The following MRC2 variants were observed in gnomAD, a reference collection of about 807,000 sequenced individuals.
The protein encoded by MRC2 is mannose receptor C-type 2, also known as C-type mannose receptor 2.
Under a neutral mutation model 206.2 loss-of-function variants are expected in MRC2, and 84 were observed. That is an observed-to-expected ratio of 0.41 (90% confidence interval 0.34 to 0.49). The LOEUF is 0.49. MRC2 is among the 20% of genes least tolerant of loss of function. The probability of loss-of-function intolerance (pLI) is 0.31; values close to 1 mark genes in which losing one functional copy is unlikely to be tolerated. For synonymous variants in MRC2, 798 were observed against 800.0 expected (o/e 1.00, Z 0.04); for missense variants, 1,676 against 2,001.5 (o/e 0.84, Z 3.10).
At chr17:62,656,836 G>A (rs1040357797) in intron 1 of MRC2, among the ~76,000 whole-genome samples, 1 of 152,214 alleles carries the variant, frequency 6.6e-6, no homozygotes, top group African/African-American at 2.4e-5. Context: ...GGGATTCAGG[G>A]ACAGGACATC....
intron 1 of MRC2, among the ~76,000 whole-genome samples, chr17:62,662,470 A>G (rs985739571): frequency 2.6e-5 from 4 of 152,196 alleles, no homozygotes; most frequent in African/African-American, 7.2e-5. Context: ...ATGCTGATTT[A>G]TAGTCTTCTT....
At chr17:62,688,694 A>G (rs753553225) in intron 22 of MRC2, 30 bp downstream of exon 22, 1 of 1,610,062 alleles carries the variant, frequency 6.2e-7, no homozygotes, top group Non-Finnish European at 8.5e-7. Context: ...TCCCCTCCGC[A>G]CCGCGCTGCC....
intron 20 of MRC2, chr17:62,683,757 A>G (rs1351276522): frequency 6.6e-6 from 1 of 151,848 alleles, no homozygotes; most frequent in Non-Finnish European, 1.5e-5. Flanking sequence ...CCAGCTACCC[A>G]GGAGGTGGGA....
In MRC2 at chr17:62,684,639, G is replaced by T. The variant is rs534684327; in HGVS notation, c.2946+2262G>T. ...AACGAGTTCATACCAGGAAGAGAAG[G>T]TTGTCATTTTCCTTGTTATGTGCCA... On this transcript the variant is annotated intron_variant, in intron 20 of 29. Transcript: ENST00000303375. Among the ~76,000 whole-genome samples, 29 of 152,310 alleles carry T rather than the reference G, an allele frequency of 1.9e-4. No homozygotes were observed. The South Asian group carries it at 5.8e-3, about 30-fold the overall frequency.
intron 27 of MRC2, 30 bp from the exon 28 acceptor site, chr17:62,690,919 C>T: frequency 1.3e-6 from 2 of 1,550,858 alleles, no homozygotes; most frequent in Non-Finnish European, 8.7e-7. Flanking sequence ...CCACCTTGTC[C>T]CTGCTCCCTC....
Position 62,664,551 on chromosome 17 carries a change from C to A in MRC2, c.122C>A (p.Pro41His), listed in dbSNP as rs768775776. Reference protein sequence around the residue: ...GAPGDAALPEPNVFLIFSHGL... With the variant: ...GAPGDAALPEHNVFLIFSHGL... ...CGTGTCTTGCCTTCCCTTCCAGAAC[C>A]CAACGTCTTCCTCATCTTCAGCCAT... The change falls in exon 2 of 30, where the codon CCC (proline) becomes CAC (histidine). Residue 41 changes from proline (P) to histidine (H), a missense_variant. Pro to His is a moderately conservative substitution (Grantham distance 77). Coordinates refer to ENST00000303375, the MANE Select transcript of MRC2 (RefSeq NM_006039.5). This position sits in a 1 kb window ranked among gnomAD's most constrained non-coding sequence, Gnocchi z 4.7. 2.5e-6 allele frequency: 4 copies of A among 1,608,212 alleles called. No homozygotes were observed. The African/African-American group carries it at 5.3e-5, about 21-fold the overall frequency.
At chr17:62,677,157 T>G in intron 11 of MRC2, 112 bp from the exon 12 acceptor site, 1 of 838,650 alleles carries the variant, frequency 1.2e-6, no homozygotes, top group Non-Finnish European at 1.8e-6. Context: ...TCTGAAGAGG[T>G]GGCCAAGCTG....
intron 11 of MRC2, among the ~76,000 whole-genome samples, chr17:62,677,054 G>T (rs1184665460): frequency 6.6e-6 from 1 of 152,254 alleles, no homozygotes; most frequent in Non-Finnish European, 1.5e-5. Context: ...AGGTTAAGCA[G>T]CTTGCCTGAG....
At chr17:62,636,461 A>ATT (rs60774612) in intron 1 of MRC2, among the ~76,000 whole-genome samples, 474 of 76,902 alleles carry the variant, frequency 6.2e-3, no homozygotes, top group Non-Finnish European at 7.7e-3. Flanking sequence ...TAATCTTCTG[A>ATT]TTTTTTTTTT....
chr17:62,631,881 C>T (rs1241244062), intron 1 of MRC2, among the ~76,000 whole-genome samples: 1 of 152,196 alleles, frequency 6.6e-6, no homozygotes, highest in African/African-American at 2.4e-5. Context: ...GTCTGCTGAG[C>T]TCCTGCAGAA....
intron 1 of MRC2, among the ~76,000 whole-genome samples, chr17:62,629,307 GGA>G (rs2084197196): frequency 1.3e-5 from 2 of 152,242 alleles, no homozygotes; most frequent in Admixed American, 1.3e-4. Context: ...CCAGGCCCTG[GGA>G]GAGAGTTGTG....
intron 18 of MRC2, 70 bp from the exon 19 acceptor site, chr17:62,681,767 C>T (rs1275420914): frequency 2.4e-6 from 3 of 1,260,212 alleles, no homozygotes; most frequent in Non-Finnish European, 3.4e-6. Context: ...CTGCGGCCTT[C>T]ATTGCTGCAT....
intron 1 of MRC2, among the ~76,000 whole-genome samples, chr17:62,646,763 T>A (rs2088491487): frequency 6.6e-6 from 1 of 152,196 alleles, no homozygotes; most frequent in South Asian, 2.1e-4. Flanking sequence ...CATATATGAG[T>A]TCAAGTCCCG....
chr17:62,670,404 G>T (rs1271084779), intron 6 of MRC2, among the ~76,000 whole-genome samples: 11 of 152,210 alleles, frequency 7.2e-5, no homozygotes. Flanking sequence ...CGAGCCCACC[G>T]GGCTCTCAGT....
At chr17:62,669,934 G>C (rs779999719) in intron 6 of MRC2, among the ~76,000 whole-genome samples, 2 of 152,176 alleles carry the variant, frequency 1.3e-5, no homozygotes, top group Non-Finnish European at 2.9e-5. Context: ...TCAGCAACCC[G>C]ATCTAGGGCA....
chr17:62,633,063 A>T (rs1470546457), intron 1 of MRC2, among the ~76,000 whole-genome samples: 1 of 152,198 alleles, frequency 6.6e-6, no homozygotes, highest in Non-Finnish European at 1.5e-5. Context: ...GTCTTCATTT[A>T]TAAGATGGGA....
intron 1 of MRC2, among the ~76,000 whole-genome samples, chr17:62,650,056 G>A (rs560852802): frequency 6.6e-6 from 1 of 151,964 alleles, no homozygotes; most frequent in South Asian, 2.1e-4. Flanking sequence ...CACCACACCC[G>A]GCTAAGTTTT....
chr17:62,639,460 A>G (rs1204166492), intron 1 of MRC2, among the ~76,000 whole-genome samples: 1 of 152,238 alleles, frequency 6.6e-6, no homozygotes, highest in Non-Finnish European at 1.5e-5. Flanking sequence ...GCTGTGAAGA[A>G]GCCAATATAT....
chr17:62,675,673 C>A lies in MRC2; in HGVS notation c.1570-117C>A. ...AGCCCAGTACTCAAACCAGTCCCCT[C>A]CGTCCTGAGCACGTTCAGTGATGTC... On this transcript the variant is annotated intron_variant, in intron 9 of 29. Transcript: ENST00000303375. The surrounding 1 kb of genome is among the most constrained non-coding windows in gnomAD (Gnocchi z 4.1). 1 of 795,386 alleles carries A rather than the reference C, an allele frequency of 1.3e-6. No individual in the cohort carries two copies. Among genetic ancestry groups the A allele is most frequent in the Non-Finnish European group, 2.2e-6 (1 of 462,668 alleles). The allele number at this position is 795,386 out of a possible 1,614,324, so 49.3% of individuals were successfully genotyped here. A position where few individuals can be genotyped will look rare whatever the true frequency, so the allele number is the denominator to read the frequency against.
Sources: allele counts gnomAD v4.1 joint callset (sites outside exome capture counted in the v4.1 genomes callset), GRCh38; gene constraint gnomAD v4.1.1; non-coding constraint Gnocchi (gnomAD v3.1); transcripts MANE v1.5; gene names NCBI Gene and HGNC (gene_info 2026-07-23, HGNC 2026-07-21).